The following ZNF33A variants were observed in gnomAD, a reference collection of about 807,000 sequenced individuals.
ZNF33A encodes zinc finger protein 33A, also known as brain my041 protein.
A neutral mutation model predicts 15.9 loss-of-function variants in ZNF33A; 9 were observed. The observed-to-expected ratio is 0.57, with a 90% confidence interval of 0.34 to 0.99. The LOEUF is 0.99. ZNF33A is among the 50% of genes least tolerant of loss of function. The pLI, the probability that ZNF33A is intolerant of heterozygous loss-of-function variation, is 0.02. For synonymous variants in ZNF33A, 294 were observed against 324.2 expected (o/e 0.91, Z 1.00); for missense variants, 843 against 941.6 (o/e 0.90, Z 1.37).
At chr10:38,053,603 T>G (rs1239303254) in intron 4 of ZNF33A, among the ~76,000 whole-genome samples, 1 of 152,160 alleles carries the variant, frequency 6.6e-6, no homozygotes. Flanking sequence ...AGGAATGTCT[T>G]TAATAAGTCT....
At chr10:38,010,840 C>G (rs1411375875) in intron 1 of ZNF33A, 57 bp downstream of exon 1, 4 of 1,581,176 alleles carry the variant, frequency 2.5e-6, no homozygotes, top group Non-Finnish European at 3.4e-6. Flanking sequence ...ACTCCTGGGG[C>G]GGGCGGCAGG....
chr10:38,041,032 T>TA (rs1490400495), intron 4 of ZNF33A, among the ~76,000 whole-genome samples: 4 of 152,238 alleles, frequency 2.6e-5, no homozygotes, highest in Non-Finnish European at 5.9e-5. Flanking sequence ...TAGTTGGTTT[T>TA]ACCTCTGCCA....
In ZNF33A at chr10:38,056,264, G is replaced by A. The variant is rs750056409; in HGVS notation, c.2140G>A (p.Ala714Thr). The A allele has an allele frequency of 6.2e-7, 1 of 1,613,956 alleles. No homozygotes were observed. The highest frequency in any genetic ancestry group is 8.5e-7 in the Non-Finnish European group (1 of 1,179,962). The stretch of plus-strand genomic sequence containing the variant: ...ATCATCACTCACAGTACATCACAGG[G>A]CTCACACAGGAGAGAAATCTTGTCA... ...HKSSLTVHHRAHTGEKSCQCN... is the reference protein window; with the variant it reads ...HKSSLTVHHRTHTGEKSCQCN... The change falls in exon 5 of 5, where the codon GCT (alanine) becomes ACT (threonine). Residue 714 changes from alanine (A) to threonine (T), a missense_variant. Physicochemically the swap from Ala to Thr is moderately conservative, Grantham distance 58. Coordinates refer to ENST00000432900, the MANE Select transcript of ZNF33A (RefSeq NM_006954.2).
rs569020554 is a variant in ZNF33A, at chr10:38,046,267, A to G, written c.251-8108A>G. 8.5e-5 allele frequency among the ~76,000 whole-genome samples: 13 copies of G among 152,310 alleles called. No homozygotes were observed. The South Asian group carries it at 2.5e-3, about 29-fold the overall frequency. On this transcript the variant is annotated intron_variant, in intron 4 of 4. Coordinates refer to ENST00000432900, the MANE Select transcript of ZNF33A (RefSeq NM_006954.2). ...TGTTCAGCAAAGTACTAATCGGCTC[A>G]TGTATATGAGGAAATGAGTGAAATA... is the stretch of plus-strand genomic sequence containing the variant.
At chr10:38,039,298 A>C in intron 4 of ZNF33A, 2 of 363,174 alleles carry the variant, frequency 5.5e-6, no homozygotes, top group South Asian at 2.0e-5. Context: ...GTCATGGCTC[A>C]CTGCAGCCTG....
chr10:38,031,415 A>G (rs960850649), intron 4 of ZNF33A, among the ~76,000 whole-genome samples: 7 of 151,818 alleles, frequency 4.6e-5, no homozygotes, highest in Non-Finnish European at 1.0e-4. Flanking sequence ...ACAAAAAGTA[A>G]AGACATTAGC....
At position 38,058,694 on chromosome 10, in the gene ZNF33A, C is replaced by T. The variant is rs1000014677; in HGVS notation, c.*2134C>T. 6.6e-6 allele frequency: 1 copy of T among 152,190 alleles called. No homozygotes were observed. Among genetic ancestry groups the T allele is most frequent in the African/African-American group, 2.4e-5 (1 of 41,426 alleles). 9.4% of individuals were successfully genotyped at this position (152,190 alleles called of 1,614,324 possible). The stretch of plus-strand genomic sequence containing the variant: ...GCTGAGGCAGAAGAATCACTTGAAC[C>T]TGGGAGGTGGATGTTGCAGTGAGCT... On this transcript the variant is annotated 3_prime_UTR_variant, in exon 5 of 5. Transcript: ENST00000432900.
chr10:38,063,504 C>G (rs1487448007), downstream of ZNF33A, among the ~76,000 whole-genome samples: 3 of 150,046 alleles, frequency 2.0e-5, no homozygotes, highest in African/African-American at 7.4e-5. Flanking sequence ...GATGAACATC[C>G]TGCTTTGTTC....
intron 2 of ZNF33A, among the ~76,000 whole-genome samples, chr10:38,013,013 C>T (rs2064267108): frequency 6.6e-6 from 1 of 152,142 alleles, no homozygotes; most frequent in African/African-American, 2.4e-5. Flanking sequence ...TGAGTGCAGC[C>T]TATTGAGTCA....
chr10:38,057,481 C>A lies in ZNF33A; in HGVS notation c.*921C>A, dbSNP rs41276140. The A allele has an allele frequency of 9.1e-6, 9 of 985,300 alleles. No individual in the cohort carries two copies. The highest frequency in any genetic ancestry group is 1.1e-5 in the Non-Finnish European group (9 of 829,902). The allele number at this position is 985,300 out of a possible 1,614,324, so 61.0% of individuals were successfully genotyped here. ...GTTTCATATGCATAATGGAATTTAA[C>A]GTAATTGTGAATAGGAAGTAGGTAT... On this transcript the variant is annotated 3_prime_UTR_variant, in exon 5 of 5. Transcript: ENST00000432900.
Position 38,058,357 on chromosome 10 carries a change from AT to A in ZNF33A, c.*1800del, listed in dbSNP as rs1201083333. On this transcript the variant is annotated 3_prime_UTR_variant, in exon 5 of 5. Coordinates refer to ENST00000432900, the MANE Select transcript of ZNF33A (RefSeq NM_006954.2). ...GAAACATGGACAACTCTGTCCATAA[AT>A]TTGATAACTTAGCTAAAATGGACCA... The A allele has an allele frequency of 1.3e-5, 2 of 152,384 alleles. No individual in the cohort carries two copies. The highest frequency in any genetic ancestry group is 4.8e-5 in the African/African-American group (2 of 41,576). 9.4% of individuals were successfully genotyped at this position (152,384 alleles called of 1,614,324 possible).
At chr10:38,027,889 A>G (rs559020971) in intron 4 of ZNF33A, among the ~76,000 whole-genome samples, 66 of 152,196 alleles carry the variant, frequency 4.3e-4, no homozygotes, top group Non-Finnish European at 7.6e-4. Context: ...GGCTATTTTC[A>G]TGGAATATCT....
At chr10:38,029,225 T>G (rs1414386024) in intron 4 of ZNF33A, among the ~76,000 whole-genome samples, 1 of 152,238 alleles carries the variant, frequency 6.6e-6, no homozygotes, top group Non-Finnish European at 1.5e-5. Flanking sequence ...TAGTGCTTCC[T>G]GTATAGCAGG....
chr10:38,020,994 T>G (rs1456302598), intron 4 of ZNF33A, among the ~76,000 whole-genome samples: 1 of 152,200 alleles, frequency 6.6e-6, no homozygotes, highest in East Asian at 1.9e-4. Context: ...AACTGCTGCT[T>G]TTGTGTGGAT....
At chr10:38,014,554 A>G (rs1374653053) in intron 2 of ZNF33A, among the ~76,000 whole-genome samples, 1 of 152,328 alleles carries the variant, frequency 6.6e-6, no homozygotes, top group African/African-American at 2.4e-5. Flanking sequence ...GGTAGATGTC[A>G]GATTCCTTTT....
intron 4 of ZNF33A, among the ~76,000 whole-genome samples, chr10:38,019,122 C>G (rs1020058068): frequency 1.3e-5 from 2 of 151,854 alleles, no homozygotes; most frequent in African/African-American, 2.4e-5. Context: ...TCTCCTAATG[C>G]TATCCCTCCC....
chr10:38,014,310 A>G (rs1287481079), intron 2 of ZNF33A, among the ~76,000 whole-genome samples: 1 of 152,142 alleles, frequency 6.6e-6, no homozygotes. Flanking sequence ...CACTGGGATT[A>G]CAGGTGTGAG....
At chr10:38,035,111 C>CTTTTTTTTTTT (rs71007683) in intron 4 of ZNF33A, among the ~76,000 whole-genome samples, 70 of 85,774 alleles carry the variant, frequency 8.2e-4, no homozygotes, top group South Asian at 1.1e-3. Context: ...CATTTACTTT[C>CTTTTTTTTTTT]TTTTTTTTTT....
At chr10:38,023,473 G>A (rs1424702118) in intron 4 of ZNF33A, among the ~76,000 whole-genome samples, 3 of 152,170 alleles carry the variant, frequency 2.0e-5, no homozygotes, top group Non-Finnish European at 2.9e-5. Flanking sequence ...TTCAGAAATC[G>A]ATCAATGTAA....
Sources: allele counts gnomAD v4.1 joint callset (sites outside exome capture counted in the v4.1 genomes callset), GRCh38; gene constraint gnomAD v4.1.1; transcripts MANE v1.5; gene names NCBI Gene and HGNC (gene_info 2026-07-23, HGNC 2026-07-21).